Variants in IL1RAP observed in about 807,000 individuals in gnomAD.
The protein encoded by IL1RAP is interleukin 1 receptor accessory protein.
A neutral mutation model predicts 60.7 loss-of-function variants in IL1RAP; 35 were observed. The observed-to-expected ratio is 0.58, with a 90% CI of 0.44 to 0.76. The LOEUF is 0.76. Ranked by LOEUF, IL1RAP falls within the 30% of genes least tolerant of loss-of-function variation. The probability of loss-of-function intolerance (pLI) is 0.00; values close to 1 mark genes in which losing one functional copy is unlikely to be tolerated. For synonymous variants in IL1RAP, 268 were observed against 250.9 expected, an observed-to-expected ratio of 1.07 and a Z score of -0.64; for missense variants, 572 against 693.9, an observed-to-expected ratio of 0.82 and a Z score of 1.97.
At chr3:190,592,071 G>A (rs1728990669) in intron 3 of IL1RAP, among the ~76,000 whole-genome samples, 1 of 152,200 alleles carries the variant, frequency 6.6e-6, no homozygotes, top group Non-Finnish European at 1.5e-5. Flanking sequence ...CCAGGCTGGA[G>A]TGCAGTGGTG....
chr3:190,609,226 A>G lies in IL1RAP; in HGVS notation c.537+45A>G, dbSNP rs758514359. ...ATTTTATTCTCTCTAATGGCTTATA[A>G]AATGATAATGCTTATTTGCTGAGTT... is the stretch of plus-strand genomic sequence containing the variant. On this transcript the variant is annotated intron_variant, in intron 5 of 11. Transcript: ENST00000447382. 3.9e-5 allele frequency: 51 copies of G among 1,318,048 alleles called. No homozygotes were observed. In the South Asian group the frequency reaches 6.8e-4, roughly 18 times the overall value. The allele number at this position is 1,318,048 out of a possible 1,614,324, so 81.6% of individuals were successfully genotyped here. A position where few individuals can be genotyped will look rare whatever the true frequency, so the allele number is the denominator to read the frequency against.
chr3:190,650,915 C>A lies in IL1RAP; in HGVS notation c.*2210C>A. On this transcript the variant is annotated 3_prime_UTR_variant, in exon 12 of 12. Coordinates refer to ENST00000447382, the MANE Select transcript of IL1RAP (RefSeq NM_002182.4). The stretch of plus-strand genomic sequence containing the variant: ...TGCATTCCTTTTGCACTTTTGGATT[C>A]CATATTTATCCCAAATGCTGTTGGG... The A allele has an allele frequency of 1.0e-6, 1 of 985,244 alleles. No homozygotes were observed. The highest frequency in any genetic ancestry group is 1.2e-6 in the Non-Finnish European group (1 of 829,780). The allele number at this position is 985,244 out of a possible 1,614,324, so 61.0% of individuals were successfully genotyped here. A position where few individuals can be genotyped will look rare whatever the true frequency, so the allele number is the denominator to read the frequency against.
At chr3:190,560,791 A>T (rs1332072166) in intron 2 of IL1RAP, among the ~76,000 whole-genome samples, 1 of 152,194 alleles carries the variant, frequency 6.6e-6, no homozygotes. Flanking sequence ...AAAAAGTTTC[A>T]TATGCGGAAG....
chr3:190,541,492 G>A (rs1365586416), intron 1 of IL1RAP, among the ~76,000 whole-genome samples: 1 of 152,062 alleles, frequency 6.6e-6, no homozygotes, highest in Non-Finnish European at 1.5e-5. Flanking sequence ...AAGCAGTTCA[G>A]AATTAAAGTT....
At chr3:190,550,064 C>A (rs1289039155) in intron 1 of IL1RAP, among the ~76,000 whole-genome samples, 1 of 152,166 alleles carries the variant, frequency 6.6e-6, no homozygotes, top group Non-Finnish European at 1.5e-5. Flanking sequence ...GCAGCCTTGG[C>A]ACGTGCCGCC....
intron 3 of IL1RAP, among the ~76,000 whole-genome samples, chr3:190,567,575 A>G (rs773189819): frequency 3.4e-4 from 52 of 152,192 alleles, no homozygotes; most frequent in Non-Finnish European, 4.6e-4. Context: ...CCTGACATCC[A>G]TATTATTTTT....
intron 9 of IL1RAP, chr3:190,629,944 C>T (rs1032224121): frequency 2.2e-6 from 2 of 921,010 alleles, no homozygotes; most frequent in African/African-American, 3.6e-5. Flanking sequence ...CGGAATTTTT[C>T]CTGAACAAAT....
intron 9 of IL1RAP, among the ~76,000 whole-genome samples, chr3:190,641,765 A>G (rs1733679780): frequency 6.6e-6 from 1 of 152,218 alleles, no homozygotes; most frequent in Admixed American, 6.5e-5. Flanking sequence ...GAGAGCCAAA[A>G]TAACTGAGCA....
In IL1RAP at chr3:190,644,241, A is replaced by G. The variant is rs749216359; in HGVS notation, c.1052-7A>G. On this transcript the variant is annotated splice_region_variant and splice_polypyrimidine_tract_variant and intron_variant, in intron 9 of 11. Transcript: ENST00000447382. ...AATCAATTCTGTTTCTTTGTTGTTC[A>G]TTCCAGTGCCAGCTCCAAGATACAC... 1.2e-6 allele frequency: 2 copies of G among 1,610,708 alleles called. No individual in the cohort carries two copies. Among genetic ancestry groups the G allele is most frequent in the Non-Finnish European group, 1.7e-6 (2 of 1,178,426 alleles).
At chr3:190,653,076 G>C (rs1207143074), downstream of IL1RAP, among the ~76,000 whole-genome samples, 1 of 152,176 alleles carries the variant, frequency 6.6e-6, no homozygotes, top group Non-Finnish European at 1.5e-5. Flanking sequence ...TTAGGAGATG[G>C]AGTGTTTTAG....
rs58914187 is a variant in IL1RAP, at chr3:190,527,684, A to ATTTTT, written c.-89+13480_-89+13484dup. 1.7e-3 allele frequency among the ~76,000 whole-genome samples: 193 copies of ATTTTT among 112,924 alleles called. 5 individuals are homozygous for ATTTTT. The highest frequency in any genetic ancestry group is 5.8e-3 in the African/African-American group (175 of 29,934). The allele number at this position is 112,924 out of a possible 152,430, so 74.1% of individuals were successfully genotyped here. A position where few individuals can be genotyped will look rare whatever the true frequency, so the allele number is the denominator to read the frequency against. ...GGGAACCAATATGGTGCTTGTTTAC[A>ATTTTT]TTTTTTTTTTTTTTTTTTTGCTTTT... On this transcript the variant is annotated intron_variant, in intron 1 of 11. Coordinates refer to ENST00000447382, the MANE Select transcript of IL1RAP (RefSeq NM_002182.4).
At chr3:190,608,538 C>T (rs568495030) in intron 4 of IL1RAP, among the ~76,000 whole-genome samples, 1 of 152,232 alleles carries the variant, frequency 6.6e-6, no homozygotes, top group Non-Finnish European at 1.5e-5. Context: ...TTTTATTTGT[C>T]TGACGGTGCA....
intron 9 of IL1RAP, among the ~76,000 whole-genome samples, chr3:190,640,604 C>T (rs137875439): frequency 2.6e-5 from 4 of 152,120 alleles, no homozygotes; most frequent in Admixed American, 2.0e-4. Flanking sequence ...CTTGGAGGTG[C>T]AAGCAGCTGG....
chr3:190,650,915 C>T lies in IL1RAP; in HGVS notation c.*2210C>T. 1.0e-6 allele frequency: 1 copy of T among 985,244 alleles called. No individual in the cohort carries two copies. Among genetic ancestry groups the T allele is most frequent in the South Asian group, 4.7e-5 (1 of 21,280 alleles). 61.0% of individuals were successfully genotyped at this position (985,244 alleles called of 1,614,324 possible). Reference sequence around the variant, plus strand: ...TGCATTCCTTTTGCACTTTTGGATTCCATATTTATCCCAAATGCTGTTGGG... The same window carrying T: ...TGCATTCCTTTTGCACTTTTGGATTTCATATTTATCCCAAATGCTGTTGGG... On this transcript the variant is annotated 3_prime_UTR_variant, in exon 12 of 12. Coordinates refer to ENST00000447382, the MANE Select transcript of IL1RAP (RefSeq NM_002182.4).
intron 6 of IL1RAP, among the ~76,000 whole-genome samples, chr3:190,622,734 C>T (rs903507156): frequency 6.6e-6 from 1 of 152,178 alleles, no homozygotes; most frequent in African/African-American, 2.4e-5. Context: ...GCTCCACCCT[C>T]TCAGCTTGTG....
rs79535755 is a variant in IL1RAP at position 190,651,287 on chromosome 3, C to A, written c.*2582C>A. ...AAAATCATATACGATTTATTTAATTCTCTTCTGTATTGTAACTTAGATGAT... is the reference window on the plus strand; with the variant it reads ...AAAATCATATACGATTTATTTAATTATCTTCTGTATTGTAACTTAGATGAT... On this transcript the variant is annotated 3_prime_UTR_variant, in exon 12 of 12. Transcript: ENST00000447382. 4.4e-5 allele frequency: 42 copies of A among 953,116 alleles called. 2 individuals carry two copies. In the East Asian group the frequency reaches 3.8e-3, roughly 86 times the overall value. 59.0% of individuals were successfully genotyped at this position (953,116 alleles called of 1,614,324 possible). A position where few individuals can be genotyped will look rare whatever the true frequency, so the allele number is the denominator to read the frequency against.
At chr3:190,554,654 A>G (rs1020799547) in intron 1 of IL1RAP, 2 of 152,224 alleles carry the variant, frequency 1.3e-5, no homozygotes, top group Non-Finnish European at 2.9e-5. Context: ...ATTGCTCAGC[A>G]CAGGACATGA....
intron 3 of IL1RAP, among the ~76,000 whole-genome samples, chr3:190,576,212 A>G (rs755322073): frequency 2.0e-5 from 3 of 152,246 alleles, no homozygotes; most frequent in Non-Finnish European, 4.4e-5. Flanking sequence ...ATTTGTAGAT[A>G]TGTCATCAAA....
downstream of IL1RAP, chr3:190,656,266 A>G: frequency 6.5e-7 from 1 of 1,537,210 alleles, no homozygotes; most frequent in Middle Eastern, 1.7e-4. Context: ...AAGGAGGAGA[A>G]GTCGTTTGAA....
Sources: allele counts gnomAD v4.1 joint callset (sites outside exome capture counted in the v4.1 genomes callset), GRCh38; gene constraint gnomAD v4.1.1; transcripts MANE v1.5; gene names NCBI Gene and HGNC (gene_info 2026-07-23, HGNC 2026-07-21).